RIMBP2: variants seen among roughly 807,000 people sequenced by gnomAD.
RIMBP2 encodes RIMS binding protein 2, also known as RIMS-binding protein 2.
In RIMBP2, 48 loss-of-function variants were observed where a neutral mutation model predicts 118.6. The observed-to-expected ratio is 0.40, with a 90% CI of 0.32 to 0.51. The LOEUF (loss-of-function observed/expected upper bound fraction) is 0.51. Ranked by LOEUF, RIMBP2 falls within the 20% of genes least tolerant of loss-of-function variation. The pLI is 0.41. For missense variants in RIMBP2, 1,551 were observed against 1,768.3 expected (o/e 0.88, Z 2.20); for synonymous variants, 762 against 742.9 (o/e 1.03, Z -0.42).
chr12:130,643,351 A>G (rs1375068643), intron 1 of RIMBP2, among the ~76,000 whole-genome samples: 1 of 152,188 alleles, frequency 6.6e-6, no homozygotes, highest in East Asian at 1.9e-4. Flanking sequence ...GAGCCCCACA[A>G]GCGACCAGCA....
intron 2 of RIMBP2, among the ~76,000 whole-genome samples, chr12:130,604,740 G>GGCCT (rs2060080706): frequency 2.4e-5 from 1 of 41,908 alleles, no homozygotes; most frequent in Non-Finnish European, 6.1e-5. Context: ...CCACCACCAC[G>GGCCT]CCCGGCTAAT....
chr12:130,468,854 T>C (rs1168165974), intron 6 of RIMBP2, among the ~76,000 whole-genome samples: 1 of 152,160 alleles, frequency 6.6e-6, no homozygotes, highest in African/African-American at 2.4e-5. Flanking sequence ...AGCCTGACAG[T>C]CACAGCCTTG....
At chr12:130,673,954 C>CA (rs34875722) in intron 1 of RIMBP2, among the ~76,000 whole-genome samples, 131,016 of 142,768 alleles carry the variant, frequency 0.92, 60,748 homozygotes, top group South Asian at 0.99. Flanking sequence ...TTTAAAAATA[C>CA]AAAAAAAAAA....
chr12:130,414,280 G>A lies in RIMBP2; in HGVS notation c.3265C>T (p.Pro1089Ser). The change falls in exon 18 of 23, where the codon CCA (proline) becomes TCA (serine). Residue 1089 changes from proline (P) to serine (S), a missense_variant. By Grantham distance (74) the Pro-to-Ser change is moderately conservative (BLOSUM62 -1). Transcript: ENST00000690449. ...GTTTCTGACTCTTCATAGAAGTCTGGAGAAAGGCGGTCTCGCCCGTAATCG... is the reference window on the plus strand; with the variant it reads ...GTTTCTGACTCTTCATAGAAGTCTGAAGAAAGGCGGTCTCGCCCGTAATCG... ...IDDYGRDRLSPDFYEESETDP... is the reference protein window; with the variant it reads ...IDDYGRDRLSSDFYEESETDP... The A allele has an allele frequency of 1.2e-6, 2 of 1,603,920 alleles. No homozygotes were observed. The highest frequency in any genetic ancestry group is 1.1e-5 in the South Asian group (1 of 90,070).
intron 2 of RIMBP2, among the ~76,000 whole-genome samples, chr12:130,552,695 T>C (rs2055920927): frequency 6.6e-6 from 1 of 152,178 alleles, no homozygotes; most frequent in South Asian, 2.1e-4. Flanking sequence ...AAATTCATGA[T>C]AAAAAGGATC....
At chr12:130,438,335 A>ACCGGGGGGGGGGCCCCCCCCCCC in intron 12 of RIMBP2, 30 bp downstream of exon 12, 1 of 865,012 alleles carries the variant, frequency 1.2e-6, no homozygotes, top group Non-Finnish European at 1.9e-6. Flanking sequence ...GGCCTAACAA[A>ACCGGGGGGGGGGCCCCCCCCCCC]CCCTCCCCAC....
At chr12:130,546,585 G>A (rs117337585) in intron 2 of RIMBP2, among the ~76,000 whole-genome samples, 3,265 of 152,174 alleles carry the variant, frequency 0.021, 225 homozygotes, top group East Asian at 0.16. Context: ...CTGAGCCACC[G>A]TGCCCAGTCT....
At chr12:130,448,134 A>G (rs2078694037) in intron 9 of RIMBP2, among the ~76,000 whole-genome samples, 3 of 148,924 alleles carry the variant, frequency 2.0e-5, no homozygotes, top group African/African-American at 4.9e-5. Flanking sequence ...AAAAAAAAAA[A>G]GGCATAAATC....
Position 130,442,132 on chromosome 12 carries a change from A to G in RIMBP2, c.1220T>C (p.Val407Ala). 6.2e-7 allele frequency: 1 copy of G among 1,614,144 alleles called. No individual in the cohort carries two copies. The highest frequency in any genetic ancestry group is 1.1e-5 in the South Asian group (1 of 91,070). ...CCGCAGGTGGGAGGGGGCCACCACCACGTCCTTGCCCACCAGCAGCGTGCA... is the reference window on the plus strand; with the variant it reads ...CCGCAGGTGGGAGGGGGCCACCACCGCGTCCTTGCCCACCAGCAGCGTGCA... ...LQCTLLVGKDVVVAPSHLRVD... is the reference protein window; with the variant it reads ...LQCTLLVGKDAVVAPSHLRVD... Residue 407 changes from valine to alanine, a missense_variant, in exon 11 of 23, where the codon GTG (valine) becomes GCG (alanine). Physicochemically the swap from Val to Ala is moderately conservative, Grantham distance 64. Coordinates refer to ENST00000690449, the MANE Select transcript of RIMBP2 (RefSeq NM_001393629.1). This position sits in a 1 kb window ranked among gnomAD's most constrained non-coding sequence, Gnocchi z 6.9.
chr12:130,430,867 G>C (rs563772799), intron 14 of RIMBP2, among the ~76,000 whole-genome samples: 1 of 152,212 alleles, frequency 6.6e-6, no homozygotes, highest in East Asian at 1.9e-4. Flanking sequence ...CTGACCTCAA[G>C]TGATCCACCC....
intron 2 of RIMBP2, among the ~76,000 whole-genome samples, chr12:130,615,289 ATATATATG>A (rs543668325): frequency 0.038 from 5,166 of 137,166 alleles, 282 homozygotes; most frequent in Non-Finnish European, 0.057. Flanking sequence ...ATATATATAT[ATATATATG>A]TGTACACACA....
chr12:130,553,162 A>G (rs564049092), intron 2 of RIMBP2, among the ~76,000 whole-genome samples: 1 of 149,266 alleles, frequency 6.7e-6, no homozygotes, highest in African/African-American at 2.4e-5. Flanking sequence ...CAAAAAAAAA[A>G]AAAGAAAAGA....
chr12:130,438,335 A>AACCACCCCCCCCCCC, intron 12 of RIMBP2, 30 bp downstream of exon 12: 1 of 865,012 alleles, frequency 1.2e-6, no homozygotes, highest in Non-Finnish European at 1.9e-6. Context: ...GGCCTAACAA[A>AACCACCCCCCCCCCC]CCCTCCCCAC....
chr12:130,483,917 C>T (rs2082266871), intron 4 of RIMBP2, among the ~76,000 whole-genome samples: 5 of 152,022 alleles, frequency 3.3e-5, no homozygotes, highest in South Asian at 2.1e-4. Context: ...ACACGGTGCC[C>T]GGAGCCCCTG....
chr12:130,575,233 C>G (rs551363934), intron 2 of RIMBP2, among the ~76,000 whole-genome samples: 1 of 140,908 alleles, frequency 7.1e-6, no homozygotes, highest in Non-Finnish European at 1.5e-5. Flanking sequence ...CCCCCACCCC[C>G]GGCAGTAGCC....
rs2064896179 is a variant in RIMBP2, at chr12:130,683,472, CAG to C, written c.-352+32748_-352+32749del. ...GAAATAAATTCTCTGGTGGTATTGT[CAG>C]AGGCATGTGAACCAGAGCAACTCCA... On this transcript the variant is annotated intron_variant, in intron 1 of 22. Transcript: ENST00000690449. The surrounding 1 kb of genome is among the most constrained non-coding windows in gnomAD (Gnocchi z 4.4). Among the ~76,000 whole-genome samples the C allele has an allele frequency of 6.6e-6, 1 of 152,206 alleles. No individual in the cohort carries two copies. The highest frequency in any genetic ancestry group is 1.5e-5 in the Non-Finnish European group (1 of 68,044).
At chr12:130,438,296 A>G in intron 12 of RIMBP2, 69 bp downstream of exon 12, 4 of 1,566,526 alleles carry the variant, frequency 2.6e-6, no homozygotes, top group Non-Finnish European at 3.5e-6. Context: ...TCCACTGAGC[A>G]AATACCGGGC....
In RIMBP2 at chr12:130,622,064, G is replaced by C. The variant is rs1057268034; in HGVS notation, c.-217+6258C>G. The stretch of plus-strand genomic sequence containing the variant: ...AATACATAATTGCTTTAGTCATGAA[G>C]AGTAACGACATTAAGAGCCATTTTA... On this transcript the variant is annotated intron_variant, in intron 2 of 22. Transcript: ENST00000690449. This position sits in a 1 kb window ranked among gnomAD's most constrained non-coding sequence, Gnocchi z 8.5. Among the ~76,000 whole-genome samples, 1 of 152,240 alleles carries C rather than the reference G, an allele frequency of 6.6e-6. No homozygotes were observed. The highest frequency in any genetic ancestry group is 2.4e-5 in the African/African-American group (1 of 41,462).
rs778254911 is a variant in RIMBP2 at position 130,424,765 on chromosome 12, C to T, written c.2506G>A (p.Glu836Lys). 2.6e-4 allele frequency: 322 copies of T among 1,232,534 alleles called. 2 individuals are homozygous for T. The highest frequency in any genetic ancestry group is 3.1e-4 in the Non-Finnish European group (308 of 988,412). The allele number at this position is 1,232,534 out of a possible 1,614,324, so 76.3% of individuals were successfully genotyped here. Reference sequence around the variant, plus strand: ...CACTCTCCGTCCTCTTCCGCTACTTCGGGGATACTGAAAAGTCTCTTCCTG... The same window carrying T: ...CACTCTCCGTCCTCTTCCGCTACTTTGGGGATACTGAAAAGTCTCTTCCTG... ...PHRKRLFSIP[E>K]VAEEDGECCG... Residue 836 changes from glutamate to lysine, a missense_variant, in exon 16 of 23, where the codon GAA becomes AAA. Around this residue, in one of 5 missense-constraint regions of RIMBP2, gnomAD observed 1,038 missense variants for 1,125.1 expected, o/e 0.92. Coordinates refer to ENST00000690449, the MANE Select transcript of RIMBP2 (RefSeq NM_001393629.1). This position sits in a 1 kb window ranked among gnomAD's most constrained non-coding sequence, Gnocchi z 9.8.
Sources: gnomAD v4.1 joint callset for allele counts (sites outside exome capture counted in the v4.1 genomes callset) on GRCh38, gnomAD v4.1.1 for gene constraint, gnomAD v4.1.1 regional missense constraint, Gnocchi (gnomAD v3.1) non-coding constraint, MANE v1.5 for transcripts, NCBI Gene and HGNC (gene_info 2026-07-23, HGNC 2026-07-21) for gene names.